The following MAD1L1 variants were observed in gnomAD, a reference collection of about 807,000 sequenced individuals.
The protein encoded by MAD1L1 is mitotic arrest deficient 1 like 1.
MAD1L1 carries 95 observed loss-of-function variants against 96.9 expected under a neutral mutation model. The ratio of observed to expected loss-of-function variants is 0.98; its 90% CI spans 0.83 to 1.16. MAD1L1 has a LOEUF of 1.16. Ranked by LOEUF, MAD1L1 falls within the 50% of genes most tolerant of loss-of-function variation. The pLI is 0.00. For missense variants in MAD1L1, 1,007 were observed against 954.4 expected (o/e 1.06, Z -0.73); for synonymous variants, 473 against 396.6 (o/e 1.19, Z -2.29).
intron 18 of MAD1L1, among the ~76,000 whole-genome samples, chr7:1,867,846 G>A (rs1369574970): frequency 2.6e-5 from 4 of 152,198 alleles, no homozygotes; most frequent in Non-Finnish European, 4.4e-5. Context: ...TTGTTCCAAC[G>A]ACTTATTAAA....
intron 3 of MAD1L1, among the ~76,000 whole-genome samples, chr7:2,228,052 G>C (rs547321977): frequency 4.6e-5 from 7 of 152,226 alleles, no homozygotes; most frequent in Non-Finnish European, 8.8e-5. Flanking sequence ...CGAAGTCCAG[G>C]AATGGGATGT....
At chr7:1,886,167 G>A (rs1307687241) in intron 18 of MAD1L1, among the ~76,000 whole-genome samples, 1 of 152,232 alleles carries the variant, frequency 6.6e-6, no homozygotes, top group Non-Finnish European at 1.5e-5. Flanking sequence ...CTGGCGGCAA[G>A]CTCTGGGCCT....
At chr7:2,223,330 G>A (rs373610564) in intron 4 of MAD1L1, among the ~76,000 whole-genome samples, 10 of 152,190 alleles carry the variant, frequency 6.6e-5, no homozygotes, top group African/African-American at 2.2e-4. Context: ...TAGGGAGGCC[G>A]CGTGGCTCTC....
chr7:1,956,667 G>A (rs1423841360), intron 16 of MAD1L1, among the ~76,000 whole-genome samples: 3 of 152,190 alleles, frequency 2.0e-5, no homozygotes, highest in African/African-American at 4.8e-5. Context: ...CCAACCCCAC[G>A]GTACCTGACA....
At chr7:2,044,825 G>A (rs913543980) in intron 12 of MAD1L1, among the ~76,000 whole-genome samples, 2 of 152,124 alleles carry the variant, frequency 1.3e-5, no homozygotes, top group African/African-American at 4.8e-5. Context: ...GTAGTCCCCC[G>A]GGGCGTGGAC....
intron 7 of MAD1L1, among the ~76,000 whole-genome samples, chr7:2,217,687 C>T (rs1793365388): frequency 6.6e-6 from 1 of 152,260 alleles, no homozygotes; most frequent in Non-Finnish European, 1.5e-5. Flanking sequence ...TCTTCTCACG[C>T]TCATCAGCAC....
At chr7:2,000,880 C>T (rs879461993) in intron 14 of MAD1L1, among the ~76,000 whole-genome samples, 7 of 152,354 alleles carry the variant, frequency 4.6e-5, no homozygotes, top group Middle Eastern at 3.4e-3. Context: ...TGCCTCTCTG[C>T]GCCGCTGGGC....
intron 16 of MAD1L1, among the ~76,000 whole-genome samples, chr7:1,944,693 A>C (rs1459804896): frequency 6.6e-6 from 1 of 152,136 alleles, no homozygotes; most frequent in African/African-American, 2.4e-5. Flanking sequence ...AAGAGCCTCT[A>C]GGGCACAGTG....
chr7:2,153,424 C>CA (rs760548438), intron 10 of MAD1L1, among the ~76,000 whole-genome samples: 65 of 152,170 alleles, frequency 4.3e-4, no homozygotes, highest in Middle Eastern at 6.8e-3. Flanking sequence ...TGCAAATGGC[C>CA]AACAGGTATA....
chr7:2,147,698 T>C (rs1488173104), intron 11 of MAD1L1, among the ~76,000 whole-genome samples: 1 of 152,224 alleles, frequency 6.6e-6, no homozygotes, highest in Non-Finnish European at 1.5e-5. Context: ...CAGCTGGGGT[T>C]GTGAGGACCA....
chr7:2,215,948 C>G lies in MAD1L1; in HGVS notation c.861G>C (p.Gln287His). Reference protein sequence around the residue: ...GLLQEELEGLQRKLGRQEKMQ... With the variant: ...GLLQEELEGLHRKLGRQEKMQ... ...TCTTCTCCTGGCGCCCCAGCTTCCT[C>G]TGCAGCCCTTCCAGCTCTTCCTGGA... is the stretch of plus-strand genomic sequence containing the variant. Residue 287 changes from glutamine to histidine, a missense_variant, in exon 9 of 19, where the codon CAG becomes CAC. Gln to His is a conservative substitution (Grantham distance 24). Coordinates refer to ENST00000265854, the MANE Select transcript of MAD1L1 (RefSeq NM_001013836.2). 1.2e-6 allele frequency: 2 copies of G among 1,614,252 alleles called. No individual in the cohort carries two copies. Among genetic ancestry groups the G allele is most frequent in the East Asian group, 2.2e-5 (1 of 44,886 alleles).
In MAD1L1 at chr7:2,088,213, C is replaced by T. The variant is rs1250704022; in HGVS notation, c.1074-18875G>A. On this transcript the variant is annotated intron_variant, in intron 11 of 18. Transcript: ENST00000265854. This position sits in a 1 kb window ranked among gnomAD's most constrained non-coding sequence, Gnocchi z 4.4. ...AGCAAAGCGACCTTGGATCACACAT[C>T]GCGCCTCTTCACGCCTCCTCACACC... Among the ~76,000 whole-genome samples the T allele has an allele frequency of 3.3e-5, 5 of 152,210 alleles. No homozygotes were observed. In the East Asian group the frequency reaches 5.8e-4, roughly 18 times the overall value.
At chr7:1,897,518 CCCCTGTTG>C (rs1786956530) in intron 18 of MAD1L1, among the ~76,000 whole-genome samples, 1 of 152,228 alleles carries the variant, frequency 6.6e-6, no homozygotes, top group Non-Finnish European at 1.5e-5. Context: ...GATGAACAAG[CCCCTGTTG>C]CCCTGGGTCT....
intron 10 of MAD1L1, among the ~76,000 whole-genome samples, chr7:2,161,713 C>T (rs1287272169): frequency 6.6e-6 from 1 of 150,910 alleles, no homozygotes; most frequent in Non-Finnish European, 1.5e-5. Context: ...GCCTCTGCCC[C>T]GCCGCCCCGT....
At chr7:1,866,712 G>A (rs956027439) in intron 18 of MAD1L1, among the ~76,000 whole-genome samples, 1 of 152,208 alleles carries the variant, frequency 6.6e-6, no homozygotes, top group African/African-American at 2.4e-5. Flanking sequence ...GGGGTGAAGG[G>A]CAGGGAACAT....
At position 1,816,216 on chromosome 7, in the gene MAD1L1, A is replaced by C. The variant is rs752349521; in HGVS notation, c.2011T>G (p.Ser671Ala). ...TCCAGTAGCTGCATCTTGGAACCCGAGGGGCTGGTGGCCTGCGGGGCAGTC... is the reference window on the plus strand; with the variant it reads ...TCCAGTAGCTGCATCTTGGAACCCGCGGGGCTGGTGGCCTGCGGGGCAGTC... Reference protein sequence around the residue: ...DCLIFKATSPSGSKMQLLETE... With the variant: ...DCLIFKATSPAGSKMQLLETE... Residue 671 changes from serine to alanine, a missense_variant, in exon 19 of 19, where the codon TCG becomes GCG. Ser to Ala is a moderately conservative substitution (Grantham distance 99). Transcript: ENST00000265854. 1.9e-6 allele frequency: 3 copies of C among 1,612,360 alleles called. No homozygotes were observed. Among genetic ancestry groups the C allele is most frequent in the Non-Finnish European group, 1.7e-6 (2 of 1,179,424 alleles).
At chr7:1,882,721 G>A (rs1027999522) in intron 18 of MAD1L1, among the ~76,000 whole-genome samples, 1 of 152,216 alleles carries the variant, frequency 6.6e-6, no homozygotes, top group African/African-American at 2.4e-5. Flanking sequence ...CCACTGCCCT[G>A]CCACAGGCCC....
chr7:2,090,872 A>G (rs1786176211), intron 11 of MAD1L1, among the ~76,000 whole-genome samples: 1 of 152,160 alleles, frequency 6.6e-6, no homozygotes, highest in Admixed American at 6.5e-5. Flanking sequence ...GAGGTCACGG[A>G]GCCTGGCCTA....
intron 17 of MAD1L1, among the ~76,000 whole-genome samples, chr7:1,918,876 C>T (rs1788591033): frequency 6.6e-6 from 1 of 152,096 alleles, no homozygotes; most frequent in South Asian, 2.1e-4. Flanking sequence ...GCCCCCCTCC[C>T]CTCCCCTCCC....
Sources: allele counts gnomAD v4.1 joint callset (sites outside exome capture counted in the v4.1 genomes callset), GRCh38; gene constraint gnomAD v4.1.1; non-coding constraint Gnocchi (gnomAD v3.1); transcripts MANE v1.5; gene names NCBI Gene and HGNC (gene_info 2026-07-23, HGNC 2026-07-21).